LMF1: variants seen among roughly 807,000 people sequenced by gnomAD.
The protein encoded by LMF1 is lipase maturation factor 1.
A neutral mutation model predicts 60.6 loss-of-function variants in LMF1; 68 were observed. That is an observed-to-expected ratio of 1.12 (90% CI 0.92 to 1.37). The LOEUF (loss-of-function observed/expected upper bound fraction) is 1.37. LMF1 is among the 40% of genes most tolerant of loss of function. LMF1 has a pLI of 0.00. For synonymous variants in LMF1, 418 were observed against 324.7 expected (o/e 1.29, Z -3.09); for missense variants, 948 against 767.2 (o/e 1.24, Z -2.78).
Position 854,606 on chromosome 16 carries a change from A to G in LMF1, c.1630T>C (p.Phe544Leu). 1 of 1,606,930 alleles carries G rather than the reference A, an allele frequency of 6.2e-7. No individual in the cohort carries two copies. ...AGCTCCTCCAGGCTGAGCGGAGGGA[A>G]GTAGGCTCCGATCCTCTTCCGCACC... ...WWVRKRIGAY[F>L]PPLSLEELRP... Residue 544 changes from phenylalanine to leucine, a missense_variant, in exon 11 of 11, where the codon TTC (phenylalanine) becomes CTC (leucine). Physicochemically the swap from Phe to Leu is conservative, Grantham distance 22 (BLOSUM62 0). Transcript: ENST00000262301.
At chr16:937,701 C>T (rs1301279269) in intron 2 of LMF1, among the ~76,000 whole-genome samples, 1 of 152,244 alleles carries the variant, frequency 6.6e-6, no homozygotes, top group South Asian at 2.1e-4. Context: ...CATTTGGCTC[C>T]AGCTACTTAT....
chr16:928,813 C>T (rs1384734018), intron 3 of LMF1, among the ~76,000 whole-genome samples: 2 of 152,058 alleles, frequency 1.3e-5, no homozygotes, highest in African/African-American at 2.4e-5. Flanking sequence ...GGGGTAGGAT[C>T]GCCTGGAGGT....
intron 1 of LMF1, among the ~76,000 whole-genome samples, chr16:977,787 C>G (rs895951128): frequency 6.6e-6 from 1 of 151,916 alleles, no homozygotes; most frequent in East Asian, 1.9e-4. Context: ...CTGGGCAGCC[C>G]TGCTTCCTCC....
intron 2 of LMF1, among the ~76,000 whole-genome samples, chr16:936,013 T>G (rs2071931483): frequency 6.6e-6 from 1 of 152,214 alleles, no homozygotes; most frequent in South Asian, 2.1e-4. Flanking sequence ...CCGGTAGAGG[T>G]CCACACTATT....
At chr16:915,245 T>C (rs571766835) in intron 3 of LMF1, among the ~76,000 whole-genome samples, 1 of 151,734 alleles carries the variant, frequency 6.6e-6, no homozygotes, top group East Asian at 1.9e-4. Context: ...GTGTGAGGCA[T>C]GGGTATGGAT....
Position 897,300 on chromosome 16 carries a change from C to G in LMF1, c.664-4228G>C, listed in dbSNP as rs1223831713. On this transcript the variant is annotated intron_variant, in intron 4 of 10. Coordinates refer to ENST00000262301, the MANE Select transcript of LMF1 (RefSeq NM_022773.4). This position sits in a 1 kb window ranked among gnomAD's most constrained non-coding sequence, Gnocchi z 4.3. ...TCACTTGGCCCCCAGAGGCCGCCAT[C>G]CACCCTGCAGCGACAGCCCCCTGTG... Among the ~76,000 whole-genome samples the G allele has an allele frequency of 6.6e-6, 1 of 152,236 alleles. No individual in the cohort carries two copies. The highest frequency in any genetic ancestry group is 6.5e-5 in the Admixed American group (1 of 15,286).
intron 10 of LMF1, among the ~76,000 whole-genome samples, chr16:857,630 G>A (rs1160217842): frequency 1.7e-5 from 1 of 60,514 alleles, no homozygotes; most frequent in Non-Finnish European, 2.9e-5. Flanking sequence ...GTCACGGGAC[G>A]GGTGTGAGTG....
intron 3 of LMF1, among the ~76,000 whole-genome samples, chr16:931,452 G>C (rs1223434409): frequency 6.6e-6 from 1 of 152,258 alleles, no homozygotes; most frequent in African/African-American, 2.4e-5. Context: ...GACAAGGAAT[G>C]TCACTGAGAT....
chr16:884,408 A>G (rs921482900), intron 5 of LMF1, among the ~76,000 whole-genome samples: 4 of 152,252 alleles, frequency 2.6e-5, no homozygotes, highest in African/African-American at 9.6e-5. Context: ...GTAGAGTACA[A>G]TCTTTAAAGT....
At chr16:910,635 G>C (rs76840270) in intron 4 of LMF1, among the ~76,000 whole-genome samples, 4 of 151,590 alleles carry the variant, frequency 2.6e-5, no homozygotes, top group African/African-American at 7.2e-5. Flanking sequence ...GAGGGCTGGT[G>C]GGGGAAGCAG....
intron 2 of LMF1, among the ~76,000 whole-genome samples, chr16:935,891 C>T (rs7202647): frequency 0.4 from 60,158 of 152,140 alleles, 14,212 homozygotes; most frequent in African/African-American, 0.66. Flanking sequence ...CAAACGACAT[C>T]TGAGCCGTGG....
At chr16:940,928 G>A (rs2072085579) in intron 2 of LMF1, among the ~76,000 whole-genome samples, 1 of 152,136 alleles carries the variant, frequency 6.6e-6, no homozygotes, top group South Asian at 2.1e-4. Flanking sequence ...GTGAATTTGT[G>A]TATTTCTTCC....
At chr16:881,889 G>A (rs548966953) in intron 5 of LMF1, among the ~76,000 whole-genome samples, 1 of 152,332 alleles carries the variant, frequency 6.6e-6, no homozygotes, top group South Asian at 2.1e-4. Context: ...TGGGGCTGCT[G>A]ACGTGTGTCG....
At chr16:914,667 C>CG in intron 3 of LMF1, among the ~76,000 whole-genome samples, 1 of 150,060 alleles carries the variant, frequency 6.7e-6, no homozygotes, top group Non-Finnish European at 1.5e-5. Context: ...ATTGGTGACA[C>CG]ACTCCCTCCC....
Position 869,983 on chromosome 16 carries a change from T to C in LMF1, c.1316A>G (p.Tyr439Cys), listed in dbSNP as rs764885027. 4.6e-5 allele frequency: 75 copies of C among 1,613,190 alleles called. No homozygotes were observed. The highest frequency in any genetic ancestry group is 6.1e-5 in the Non-Finnish European group (72 of 1,179,856). ...GTCACCTGGCTTGCACTTGAACTCG[T>C]AGTCCTCCCACATGGCATCGGGGGC... Reference protein sequence around the residue: ...ASAPDAMWEDYEFKCKPGDPS... With the variant: ...ASAPDAMWEDCEFKCKPGDPS... Residue 439 changes from tyrosine (Y) to cysteine (C), a missense_variant, in exon 9 of 11, where the codon TAC becomes TGC. Transcript: ENST00000262301.
chr16:981,335 AGAGAGAGAGAGAGTGT>A (rs1475235277), upstream of LMF1: 161 of 328,560 alleles, frequency 4.9e-4, no homozygotes, highest in East Asian at 1.1e-3. Context: ...AGAGAGAGAG[AGAGAGAGAGAGAGTGT>A]GTGTGTGTGT....
chr16:970,734 T>A (rs2073025886), intron 1 of LMF1, 54 bp downstream of exon 1: 1 of 1,439,490 alleles, frequency 6.9e-7, no homozygotes. Flanking sequence ...AGGGCGGGGG[T>A]CGTGGTGCGC....
chr16:938,819 CA>C (rs1320889035), intron 2 of LMF1, among the ~76,000 whole-genome samples: 1 of 152,116 alleles, frequency 6.6e-6, no homozygotes, highest in Non-Finnish European at 1.5e-5. Context: ...TACAGGTAAG[CA>C]ATTTAAAACA....
intron 1 of LMF1, chr16:979,639 G>C: frequency 2.2e-6 from 1 of 454,102 alleles, no homozygotes. Flanking sequence ...GGTGGATGGG[G>C]AGCCAGGAAG....
Sources: allele counts gnomAD v4.1 joint callset (sites outside exome capture counted in the v4.1 genomes callset), GRCh38; gene constraint gnomAD v4.1.1; non-coding constraint Gnocchi (gnomAD v3.1); transcripts MANE v1.5; gene names NCBI Gene and HGNC (gene_info 2026-07-23, HGNC 2026-07-21).